The following STARD9 variants were observed in gnomAD, a reference collection of about 807,000 sequenced individuals.
STARD9 encodes the protein StAR related lipid transfer domain containing 9.
In STARD9, 346 loss-of-function variants were observed where a neutral mutation model predicts 399.8. That is an observed-to-expected ratio of 0.87 (90% CI 0.79 to 0.95). The LOEUF is 0.95. Ranked by LOEUF, STARD9 falls within the 40% of genes least tolerant of loss-of-function variation. STARD9 has a pLI of 0.00. For synonymous variants in STARD9, 2,203 were observed against 2,143.5 expected, an observed-to-expected ratio of 1.03 and a Z score of -0.77; for missense variants, 5,832 against 5,667.5, an observed-to-expected ratio of 1.03 and a Z score of -0.93.
intron 13 of STARD9, 106 bp downstream of exon 13, chr15:42,664,023 G>A: frequency 1.4e-6 from 1 of 728,974 alleles, no homozygotes; most frequent in Middle Eastern, 3.4e-4. Flanking sequence ...CAACTTTCCA[G>A]ACTTGTCCTC....
At position 42,584,597 on chromosome 15, in the gene STARD9, C is replaced by T. The variant is rs116267701; in HGVS notation, c.118-924C>T. Among the ~76,000 whole-genome samples the T allele has an allele frequency of 4.3e-3, 653 of 152,220 alleles. 5 individuals are homozygous for T. Among genetic ancestry groups the T allele is most frequent in the African/African-American group, 0.015 (615 of 41,526 alleles). ...AGTGGCAGGGTTGTCTTTCCCTGTCCGGAGTGTATAAGATAAGGCATTTCT... is the reference window on the plus strand; with the variant it reads ...AGTGGCAGGGTTGTCTTTCCCTGTCTGGAGTGTATAAGATAAGGCATTTCT... On this transcript the variant is annotated intron_variant, in intron 2 of 32. Coordinates refer to ENST00000290607, the MANE Select transcript of STARD9 (RefSeq NM_020759.3).
At chr15:42,675,531 T>C (rs1205014489) in intron 18 of STARD9, 133 bp from the exon 19 acceptor site, 1 of 650,016 alleles carries the variant, frequency 1.5e-6, no homozygotes, top group East Asian at 2.7e-5. Context: ...AGAATTAATA[T>C]GTATCTTATC....
At chr15:42,603,087 G>T (rs1375743241) in intron 3 of STARD9, among the ~76,000 whole-genome samples, 4 of 152,102 alleles carry the variant, frequency 2.6e-5, no homozygotes, top group Admixed American at 2.0e-4. Flanking sequence ...GTTTGAGGTG[G>T]TTGTTACAAT....
chr15:42,590,485 T>A (rs1428329022), intron 3 of STARD9, among the ~76,000 whole-genome samples: 1 of 152,172 alleles, frequency 6.6e-6, no homozygotes, highest in African/African-American at 2.4e-5. Context: ...TATCTAAATA[T>A]CTGACTTTAG....
intron 7 of STARD9, among the ~76,000 whole-genome samples, chr15:42,646,200 TAATAA>T (rs1297598933): frequency 1.3e-5 from 2 of 151,984 alleles, no homozygotes; most frequent in Non-Finnish European, 2.9e-5. Context: ...ATAATAATAA[TAATAA>T]AATAAAGTCA....
At position 42,694,529 on chromosome 15, in the gene STARD9, C is replaced by CA. The variant is rs771914496; in HGVS notation, c.12773dup (p.Ala4259GlyfsTer3). ...TCAGCGAATCGTGTTTTGCCTCAGG[C>CA]AAAAAAAGGCCATTGAGACCCTCAG... On this transcript the variant is annotated frameshift_variant and splice_region_variant, in exon 24 of 33. Transcript: ENST00000290607. LOFTEE classifies it high-confidence loss of function. 12 of 1,536,436 alleles carry CA rather than the reference C, an allele frequency of 7.8e-6. No individual in the cohort carries two copies. Among genetic ancestry groups the CA allele is most frequent in the African/African-American group, 4.1e-5 (3 of 72,914 alleles).
At chr15:42,578,272 A>G (rs1214935334) in intron 1 of STARD9, among the ~76,000 whole-genome samples, 1 of 151,790 alleles carries the variant, frequency 6.6e-6, no homozygotes, top group East Asian at 1.9e-4. Context: ...CACCATACCT[A>G]GCTGATTTTT....
chr15:42,611,706 T>G (rs1175821246), intron 3 of STARD9, among the ~76,000 whole-genome samples: 1 of 152,206 alleles, frequency 6.6e-6, no homozygotes, highest in Non-Finnish European at 1.5e-5. Flanking sequence ...TGTTGGCTGT[T>G]AAACTTGCCA....
At position 42,691,943 on chromosome 15, in the gene STARD9, C is replaced by A. The variant is rs2060717554; in HGVS notation, c.10365C>A (p.Asp3455Glu). 1 of 1,537,240 alleles carries A rather than the reference C, an allele frequency of 6.5e-7. No individual in the cohort carries two copies. Among genetic ancestry groups the A allele is most frequent in the South Asian group, 1.2e-5 (1 of 84,062 alleles). The change falls in exon 23 of 33, where the codon GAC (aspartate) becomes GAA (glutamate). Residue 3455 changes from aspartate to glutamate, a missense_variant. This residue lies in a region of STARD9 where 5,828 missense variants were observed against 5,651.1 expected (regional missense o/e 1.03). Coordinates refer to ENST00000290607, the MANE Select transcript of STARD9 (RefSeq NM_020759.3). ...VRPENWCSQM[D>E]KGMLHFGSSD... is the part of the protein sequence containing the mutation. Reference sequence around the variant, plus strand: ...CAGAAAATTGGTGCTCTCAGATGGACAAAGGAATGCTGCACTTTGGCTCCA... The same window carrying A: ...CAGAAAATTGGTGCTCTCAGATGGAAAAAGGAATGCTGCACTTTGGCTCCA...
rs6493060 is a variant in STARD9 at position 42,685,478 on chromosome 15, G to T, written c.3900G>T (p.Gln1300His). 10 of 1,535,330 alleles carry T rather than the reference G, an allele frequency of 6.5e-6. No homozygotes were observed. Among genetic ancestry groups the T allele is most frequent in the African/African-American group, 4.1e-5 (3 of 72,704 alleles). The change falls in exon 23 of 33, where the codon CAG becomes CAT. Residue 1300 changes from glutamine (Q) to histidine (H), a missense_variant. Around this residue, in one of 2 missense-constraint regions of STARD9, gnomAD observed 5,828 missense variants for 5,651.1 expected, o/e 1.03. Transcript: ENST00000290607. ...HCELQPHCEL[Q>H]PHCEQAESQV... ...AGCTCCAACCCCATTGTGAGCTCCA[G>T]CCCCATTGTGAGCAGGCTGAATCAC...
intron 3 of STARD9, among the ~76,000 whole-genome samples, chr15:42,600,763 G>T (rs2058605355): frequency 6.6e-6 from 1 of 151,892 alleles, no homozygotes; most frequent in Non-Finnish European, 1.5e-5. Flanking sequence ...GACCTCAGGT[G>T]ATCTGCCCAT....
At chr15:42,578,739 T>G (rs1317028739) in intron 1 of STARD9, among the ~76,000 whole-genome samples, 3 of 152,144 alleles carry the variant, frequency 2.0e-5, no homozygotes, top group African/African-American at 7.2e-5. Flanking sequence ...TGATTATCAG[T>G]TTTTGAGACT....
chr15:42,588,793 T>G (rs2058334715), intron 3 of STARD9, among the ~76,000 whole-genome samples: 7 of 24,066 alleles, frequency 2.9e-4, no homozygotes, highest in Admixed American at 1.4e-3. Context: ...TTTTTTTTTT[T>G]TTTTTTTTTT....
chr15:42,658,644 G>A (rs1404706689), intron 9 of STARD9, among the ~76,000 whole-genome samples: 1 of 151,540 alleles, frequency 6.6e-6, no homozygotes, highest in African/African-American at 2.4e-5. Context: ...TACCATGCCT[G>A]GCTAATTTTT....
chr15:42,665,070 C>A (rs148499468), intron 13 of STARD9, among the ~76,000 whole-genome samples, 183 bp from the exon 14 acceptor site: 9 of 152,200 alleles, frequency 5.9e-5, no homozygotes, highest in Non-Finnish European at 1.3e-4. Flanking sequence ...CCAAACTGTG[C>A]GTTTCTAACA....
At chr15:42,699,882 T>C (rs2060928461) in intron 26 of STARD9, among the ~76,000 whole-genome samples, 1 of 152,052 alleles carries the variant, frequency 6.6e-6, no homozygotes, top group Non-Finnish European at 1.5e-5. Context: ...AATTTTTGTA[T>C]TTTTAGGAGA....
In STARD9 at chr15:42,667,217, C is replaced by T. The variant is rs1315250465; in HGVS notation, c.1317+1369C>T. ...TTATTTTTTTTGAAACGGAGTCTCA[C>T]CCTGTCACCCAGGCTGGAGTGCAAT... On this transcript the variant is annotated intron_variant, in intron 15 of 32. Coordinates refer to ENST00000290607, the MANE Select transcript of STARD9 (RefSeq NM_020759.3). Among the ~76,000 whole-genome samples, 8 of 152,228 alleles carry T rather than the reference C, an allele frequency of 5.3e-5. No individual in the cohort carries two copies. The South Asian group carries it at 1.2e-3, about 24-fold the overall frequency.
chr15:42,647,568 ATTG>A (rs1470277013), intron 7 of STARD9, among the ~76,000 whole-genome samples: 1 of 151,908 alleles, frequency 6.6e-6, no homozygotes, highest in African/African-American at 2.4e-5. Flanking sequence ...TCTTTGTGTT[ATTG>A]TTTGTATTTT....
At position 42,710,005 on chromosome 15, in the gene STARD9, A is replaced by T. The variant is rs1465440559; in HGVS notation, c.13285-6672A>T. Among the ~76,000 whole-genome samples, 4 of 148,012 alleles carry T rather than the reference A, an allele frequency of 2.7e-5. No homozygotes were observed. The East Asian group carries it at 7.8e-4, about 29-fold the overall frequency. ...CATTGTTCAACTTGTTCCAGCTTTAATTATTTGGAGTTCTTTCAGCTTGGG... is the reference window on the plus strand; with the variant it reads ...CATTGTTCAACTTGTTCCAGCTTTATTTATTTGGAGTTCTTTCAGCTTGGG... On this transcript the variant is annotated intron_variant, in intron 26 of 32. Transcript: ENST00000290607.
Sources: gnomAD v4.1 joint callset for allele counts (sites outside exome capture counted in the v4.1 genomes callset) on GRCh38, gnomAD v4.1.1 for gene constraint, gnomAD v4.1.1 regional missense constraint, MANE v1.5 for transcripts, NCBI Gene and HGNC (gene_info 2026-07-23, HGNC 2026-07-21) for gene names.